Variants in RC3H2 observed in about 807,000 individuals in gnomAD.
RC3H2 encodes roquin-2.
A neutral mutation model predicts 133.3 loss-of-function variants in RC3H2; 31 were observed. The observed-to-expected ratio is 0.23, with a 90% CI of 0.17 to 0.31. The LOEUF (loss-of-function observed/expected upper bound fraction) is 0.31. RC3H2 is among the 10% of genes least tolerant of loss of function. The pLI is 1.00. For synonymous variants in RC3H2, 517 were observed against 502.2 expected, an observed-to-expected ratio of 1.03 and a Z score of -0.40; for missense variants, 1,175 against 1,437.2, an observed-to-expected ratio of 0.82 and a Z score of 2.95.
rs114591637 is a variant in RC3H2 at position 122,900,123 on chromosome 9, A to G, written c.-67-2547T>C. 2.9e-3 allele frequency among the ~76,000 whole-genome samples: 446 copies of G among 152,328 alleles called. 2 individuals carry two copies. The highest frequency in any genetic ancestry group is 0.01 in the African/African-American group (421 of 41,586). On this transcript the variant is annotated intron_variant, in intron 1 of 20. Coordinates refer to ENST00000357244, the MANE Select transcript of RC3H2 (RefSeq NM_001100588.3). ...TTACAATAGTCCTTAGTATAGTTTT[A>G]TGTTACAATAGTCCTTAGTGTGTTT...
chr9:122,890,262 C>T (rs750261114), intron 4 of RC3H2, 50 bp downstream of exon 4: 15 of 1,462,990 alleles, frequency 1.0e-5, no homozygotes, highest in African/African-American at 8.4e-5. Context: ...AAATTGGCAT[C>T]CTCAAGCCCC....
intron 9 of RC3H2, among the ~76,000 whole-genome samples, chr9:122,871,570 G>C (rs1831098790): frequency 6.6e-6 from 1 of 151,444 alleles, no homozygotes; most frequent in South Asian, 2.1e-4. Flanking sequence ...TGATCCGCCT[G>C]CCTCGGCCTC....
intron 4 of RC3H2, among the ~76,000 whole-genome samples, chr9:122,884,242 G>T (rs919389100): frequency 6.6e-6 from 1 of 151,978 alleles, no homozygotes; most frequent in African/African-American, 2.4e-5. Context: ...GCAGTGAGCC[G>T]AGATCGTGCC....
At chr9:122,853,176 G>A (rs1326474965) in intron 18 of RC3H2, among the ~76,000 whole-genome samples, 3 of 151,840 alleles carry the variant, frequency 2.0e-5, no homozygotes, top group Admixed American at 6.6e-5. Context: ...ACAGATGCTT[G>A]AAGGCAGCAT....
chr9:122,883,326 C>A lies in RC3H2; in HGVS notation c.637G>T (p.Ala213Ser). Residue 213 changes from alanine (A) to serine (S), a missense_variant, in exon 5 of 21, where the codon GCC (alanine) becomes TCC (serine). Physicochemically the swap from Ala to Ser is moderately conservative, Grantham distance 99. Around this residue, in one of 8 missense-constraint regions of RC3H2, gnomAD observed 121 missense variants for 243.5 expected, o/e 0.50. Transcript: ENST00000357244. ...AGTACCAGAACTTTCCTTGAGAGGG[C>A]AGAACCATCTTCTAATGCCAGTAAC... is the stretch of plus-strand genomic sequence containing the variant. ...LVLLALEDGS[A>S]LSRKVLVLFV... The A allele has an allele frequency of 1.2e-6, 2 of 1,613,338 alleles. No individual in the cohort carries two copies. Among genetic ancestry groups the A allele is most frequent in the Non-Finnish European group, 1.7e-6 (2 of 1,179,752 alleles).
chr9:122,859,037 ACCT>A lies in RC3H2; in HGVS notation c.1912_1914del (p.Arg638del). On this transcript the variant is annotated inframe_deletion, in exon 12 of 21. Transcript: ENST00000357244. Reference sequence around the variant, plus strand: ...AGGGAGGACTCTGGAACGTTATTGGACCTCACAAAGCGAGGAACACAGGGAGCC... The same window carrying A: ...AGGGAGGACTCTGGAACGTTATTGGACACAAAGCGAGGAACACAGGGAGCC... 2 of 1,611,596 alleles carry A rather than the reference ACCT, an allele frequency of 1.2e-6. No individual in the cohort carries two copies. Among genetic ancestry groups the A allele is most frequent in the Non-Finnish European group, 1.7e-6 (2 of 1,178,178 alleles).
chr9:122,854,746 T>G, intron 15 of RC3H2, 131 bp from the exon 16 acceptor site: 1 of 668,632 alleles, frequency 1.5e-6, no homozygotes, highest in Non-Finnish European at 2.7e-6. Flanking sequence ...CACCTAATTC[T>G]GAGTTTCCCA....
At chr9:122,852,056 G>A (rs1287791385) in intron 18 of RC3H2, among the ~76,000 whole-genome samples, 10 of 150,936 alleles carry the variant, frequency 6.6e-5, no homozygotes, top group Non-Finnish European at 1.2e-4. Flanking sequence ...AGTGAGGAGC[G>A]CCTCTTCCCG....
chr9:122,904,851 G>T (rs919050582), intron 1 of RC3H2, among the ~76,000 whole-genome samples: 1 of 152,190 alleles, frequency 6.6e-6, no homozygotes, highest in African/African-American at 2.4e-5. Flanking sequence ...GGGGTCAGAG[G>T]CGTCCGCTCG....
chr9:122,853,452 T>G (rs1486376367), intron 18 of RC3H2, among the ~76,000 whole-genome samples: 1 of 148,064 alleles, frequency 6.8e-6, no homozygotes, highest in African/African-American at 2.5e-5. Flanking sequence ...TAAATTAAAG[T>G]AAAAAATCCC....
Position 122,852,393 on chromosome 9 carries a change from C to T in RC3H2, c.3118-957G>A, listed in dbSNP as rs1427624928. On this transcript the variant is annotated intron_variant, in intron 18 of 20. Coordinates refer to ENST00000357244, the MANE Select transcript of RC3H2 (RefSeq NM_001100588.3). Reference sequence around the variant, plus strand: ...CGTCTCCGCCCGGCAGCCGCCCCGTCCGGGAGGGAGGTGGGGGGGTCAGCC... The same window carrying T: ...CGTCTCCGCCCGGCAGCCGCCCCGTTCGGGAGGGAGGTGGGGGGGTCAGCC... Among the ~76,000 whole-genome samples, 31 of 151,424 alleles carry T rather than the reference C, an allele frequency of 2.0e-4. No homozygotes were observed. In the East Asian group the frequency reaches 6.0e-3, roughly 29 times the overall value.
chr9:122,883,470 A>G, intron 4 of RC3H2, 91 bp from the exon 5 acceptor site: 1 of 902,644 alleles, frequency 1.1e-6, no homozygotes, highest in East Asian at 2.7e-5. Flanking sequence ...TAGAGTTTAT[A>G]GTGGCCCATT....
chr9:122,902,167 G>A (rs1832681989), intron 1 of RC3H2, among the ~76,000 whole-genome samples: 1 of 151,978 alleles, frequency 6.6e-6, no homozygotes, highest in South Asian at 2.1e-4. Flanking sequence ...CTGACCTCAG[G>A]TGATCCACCC....
chr9:122,872,400 G>C (rs1201556070), intron 9 of RC3H2, among the ~76,000 whole-genome samples: 1 of 152,158 alleles, frequency 6.6e-6, no homozygotes, highest in Non-Finnish European at 1.5e-5. Context: ...CATCCATGCA[G>C]ACACCAGAGT....
chr9:122,891,329 C>T (rs1349123108), intron 3 of RC3H2, among the ~76,000 whole-genome samples: 2 of 151,886 alleles, frequency 1.3e-5, no homozygotes, highest in African/African-American at 4.8e-5. Flanking sequence ...AGCCTCTGTT[C>T]CATTTCTTTC....
In RC3H2 at chr9:122,857,996, G is replaced by C; in HGVS notation, c.2381C>G (p.Ser794Cys). Reference protein sequence around the residue: ...QYHTQKAPLVSSTLPVATQSP... With the variant: ...QYHTQKAPLVCSTLPVATQSP... ...CTGTGTTGCCACAGGAAGAGTTGAA[G>C]AGACAAGAGGTGCTTTCTGAGTGTG... The change falls in exon 13 of 21, where the codon TCT (serine) becomes TGT (cysteine). Residue 794 changes from serine (S) to cysteine (C), a missense_variant. Physicochemically the swap from Ser to Cys is moderately radical, Grantham distance 112. This residue lies in a region of RC3H2 where 490 missense variants were observed against 492.8 expected (regional missense o/e 0.99). Transcript: ENST00000357244. 1 of 1,614,184 alleles carries C rather than the reference G, an allele frequency of 6.2e-7. No homozygotes were observed. The highest frequency in any genetic ancestry group is 8.5e-7 in the Non-Finnish European group (1 of 1,179,990).
chr9:122,875,357 CG>C, intron 9 of RC3H2: 1 of 1,549,850 alleles, frequency 6.5e-7, no homozygotes, highest in Non-Finnish European at 8.7e-7. Flanking sequence ...ATATAGTCCA[CG>C]GGGGTTACAC....
chr9:122,869,922 G>A (rs1041373879), intron 9 of RC3H2, among the ~76,000 whole-genome samples: 3 of 152,090 alleles, frequency 2.0e-5, no homozygotes, highest in Non-Finnish European at 4.4e-5. Flanking sequence ...TTCAAGAAGG[G>A]CATGAGCAGA....
Position 122,905,294 on chromosome 9 carries a change from C to G in RC3H2, c.-252G>C, listed in dbSNP as rs989330675. On this transcript the variant is annotated 5_prime_UTR_variant, in exon 1 of 21. Transcript: ENST00000357244. ...GGCGAAGGCCGCGACGGGGCCTCCTCCTCCTCCCTCCACCTCCGCCTCCTC... is the reference window on the plus strand; with the variant it reads ...GGCGAAGGCCGCGACGGGGCCTCCTGCTCCTCCCTCCACCTCCGCCTCCTC... 2 of 985,588 alleles carry G rather than the reference C, an allele frequency of 2.0e-6. No individual in the cohort carries two copies. Among genetic ancestry groups the G allele is most frequent in the African/African-American group, 1.7e-5 (1 of 57,242 alleles). The allele number at this position is 985,588 out of a possible 1,614,324, so 61.1% of individuals were successfully genotyped here.
Sources: gnomAD v4.1 joint callset for allele counts (sites outside exome capture counted in the v4.1 genomes callset) on GRCh38, gnomAD v4.1.1 for gene constraint, gnomAD v4.1.1 regional missense constraint, MANE v1.5 for transcripts, NCBI Gene and HGNC (gene_info 2026-07-23, HGNC 2026-07-21) for gene names.